EYS: variants seen among roughly 807,000 people sequenced by gnomAD.
EYS encodes EGF-like photoreceptor maintenance factor, also known as protein eyes shut homolog.
EYS carries 250 observed loss-of-function variants against 282.1 expected under a neutral mutation model. That is an observed-to-expected ratio of 0.89 (90% CI 0.80 to 0.98). The LOEUF (loss-of-function observed/expected upper bound fraction) is 0.98. Ranked by LOEUF, EYS falls within the 50% of genes least tolerant of loss-of-function variation. EYS has a pLI of 0.00. For synonymous variants in EYS, 1,355 were observed against 1,282.9 expected, an observed-to-expected ratio of 1.06 and a Z score of -1.20; for missense variants, 4,016 against 3,709.0, an observed-to-expected ratio of 1.08 and a Z score of -2.15.
At chr6:65,500,301 A>C (rs1431844917) in intron 2 of EYS, among the ~76,000 whole-genome samples, 1 of 152,062 alleles carries the variant, frequency 6.6e-6, no homozygotes, top group East Asian at 1.9e-4. Context: ...GAGAACAATA[A>C]TATTCAAGAG....
chr6:65,679,839 G>C (rs184975283), intron 1 of EYS, among the ~76,000 whole-genome samples: 1 of 151,942 alleles, frequency 6.6e-6, no homozygotes, highest in East Asian at 1.9e-4. Context: ...TTAATCTCAA[G>C]TCGTACAATA....
At chr6:65,000,597 C>T (rs191170608) in intron 13 of EYS, among the ~76,000 whole-genome samples, 1 of 152,078 alleles carries the variant, frequency 6.6e-6, no homozygotes, top group Admixed American at 6.5e-5. Flanking sequence ...CATGGTGAAA[C>T]CCCATCGCTA....
At chr6:64,097,045 C>A (rs1235991178) in intron 31 of EYS, among the ~76,000 whole-genome samples, 7 of 151,724 alleles carry the variant, frequency 4.6e-5, no homozygotes, top group South Asian at 2.1e-4. Flanking sequence ...TGGGTATCAG[C>A]AGCGGAGGCT....
At chr6:64,397,852 T>G (rs1159864294) in intron 28 of EYS, among the ~76,000 whole-genome samples, 2 of 151,970 alleles carry the variant, frequency 1.3e-5, no homozygotes, top group African/African-American at 4.8e-5. Flanking sequence ...ACATGCGCTT[T>G]CAGGATAGAA....
intron 35 of EYS, among the ~76,000 whole-genome samples, chr6:63,878,557 T>A (rs1041122236): frequency 1.3e-5 from 2 of 152,046 alleles, no homozygotes; most frequent in African/African-American, 4.8e-5. Context: ...TTTGTTCAGC[T>A]ATGCCCTGCC....
chr6:64,278,761 T>C (rs1768204143), intron 30 of EYS, among the ~76,000 whole-genome samples: 1 of 151,982 alleles, frequency 6.6e-6, no homozygotes, highest in Non-Finnish European at 1.5e-5. Flanking sequence ...TCTCTGTCTC[T>C]CCTCCCTCTC....
intron 29 of EYS, among the ~76,000 whole-genome samples, chr6:64,321,918 C>T (rs917586345): frequency 6.6e-6 from 1 of 151,904 alleles, no homozygotes; most frequent in East Asian, 1.9e-4. Flanking sequence ...TTTGGTGATA[C>T]TTAAATCAAT....
chr6:65,200,928 G>A (rs986769330), intron 12 of EYS, among the ~76,000 whole-genome samples: 4 of 152,036 alleles, frequency 2.6e-5, no homozygotes, highest in Admixed American at 6.6e-5. Flanking sequence ...GAATAAAAAT[G>A]TATTCTAAAG....
chr6:64,082,480 C>A (rs146164606), intron 31 of EYS, among the ~76,000 whole-genome samples: 69 of 152,106 alleles, frequency 4.5e-4, no homozygotes, highest in African/African-American at 1.5e-3. Context: ...ATGGAGTATC[C>A]ATCACCTTAA....
At chr6:64,096,971 G>T (rs1211093858) in intron 31 of EYS, among the ~76,000 whole-genome samples, 1 of 152,180 alleles carries the variant, frequency 6.6e-6, no homozygotes, top group African/African-American at 2.4e-5. Context: ...CCTTCTAACA[G>T]TCAGGACCCT....
At chr6:64,943,184 A>G (rs1032265978) in intron 15 of EYS, among the ~76,000 whole-genome samples, 3 of 152,066 alleles carry the variant, frequency 2.0e-5, no homozygotes, top group African/African-American at 7.2e-5. Context: ...TAAATAGACT[A>G]GGTATCTAAG....
At chr6:63,839,088 C>A (rs989423603) in intron 36 of EYS, among the ~76,000 whole-genome samples, 1 of 152,092 alleles carries the variant, frequency 6.6e-6, no homozygotes, top group East Asian at 1.9e-4. Flanking sequence ...TCTCCTCTAG[C>A]TTTTTGAAAA....
At chr6:65,646,728 A>C (rs191071562) in intron 1 of EYS, among the ~76,000 whole-genome samples, 58 of 152,290 alleles carry the variant, frequency 3.8e-4, no homozygotes, top group African/African-American at 1.4e-3. Context: ...GAGGAAGTCA[A>C]ACTGTCACTG....
Position 65,132,914 on chromosome 6 carries a change from C to T in EYS, c.2024-75187G>A, listed in dbSNP as rs191075648. Among the ~76,000 whole-genome samples, 162 of 151,802 alleles carry T rather than the reference C, an allele frequency of 1.1e-3. 1 individual carries two copies. Among genetic ancestry groups the T allele is most frequent in the African/African-American group, 3.7e-3 (155 of 41,416 alleles). On this transcript the variant is annotated intron_variant, in intron 12 of 42. Coordinates refer to ENST00000503581, the MANE Select transcript of EYS (RefSeq NM_001142800.2). ...GAAAATCACTAGCATTCTTACACAC[C>T]AAGAACAGCCAAGCTGAGAGGCAAA...
At chr6:64,034,205 G>A (rs1043165233) in intron 33 of EYS, among the ~76,000 whole-genome samples, 21 of 152,264 alleles carry the variant, frequency 1.4e-4, no homozygotes, top group African/African-American at 5.1e-4. Context: ...CAGAATGATT[G>A]AGGGGAGCAA....
chr6:65,006,592 A>T (rs1771672234), intron 13 of EYS, among the ~76,000 whole-genome samples: 1 of 151,788 alleles, frequency 6.6e-6, no homozygotes, highest in Non-Finnish European at 1.5e-5. Flanking sequence ...AAGCTAATGT[A>T]ACTCCAACCA....
At chr6:64,290,038 A>T (rs1768645252) in intron 30 of EYS, among the ~76,000 whole-genome samples, 1 of 152,078 alleles carries the variant, frequency 6.6e-6, no homozygotes, top group African/African-American at 2.4e-5. Context: ...TCTGTTGTAT[A>T]GCTGAATGCC....
chr6:65,144,342 T>C (rs1764421597), intron 12 of EYS, among the ~76,000 whole-genome samples: 1 of 152,134 alleles, frequency 6.6e-6, no homozygotes, highest in African/African-American at 2.4e-5. Context: ...AAAGAAACTA[T>C]GTTAGAAGGT....
chr6:65,654,133 C>T (rs1270086712), intron 1 of EYS, among the ~76,000 whole-genome samples: 1 of 151,842 alleles, frequency 6.6e-6, no homozygotes, highest in Non-Finnish European at 1.5e-5. Flanking sequence ...CAAGACAACC[C>T]CTCGGCTTTA....
Sources: allele counts gnomAD v4.1 joint callset (sites outside exome capture counted in the v4.1 genomes callset), GRCh38; gene constraint gnomAD v4.1.1; transcripts MANE v1.5; gene names NCBI Gene and HGNC (gene_info 2026-07-23, HGNC 2026-07-21).